Variants in SMYD2 observed in about 807,000 individuals in gnomAD.
The protein encoded by SMYD2 is N-lysine methyltransferase SMYD2.
A neutral mutation model predicts 59.1 loss-of-function variants in SMYD2; 53 were observed. The observed-to-expected ratio is 0.90, with a 90% CI of 0.72 to 1.13. The LOEUF is 1.13. SMYD2 is among the 50% of genes most tolerant of loss of function. SMYD2 has a pLI of 0.00. For synonymous variants in SMYD2, 208 were observed against 198.8 expected, an observed-to-expected ratio of 1.05 and a Z score of -0.39; for missense variants, 494 against 544.7, an observed-to-expected ratio of 0.91 and a Z score of 0.93.
At chr1:214,334,014 A>T (rs897795214) in intron 10 of SMYD2, 186 bp from the exon 11 acceptor site, 8 of 522,570 alleles carry the variant, frequency 1.5e-5, no homozygotes, top group Non-Finnish European at 2.1e-5. Flanking sequence ...AATGAACAAC[A>T]TCTGCAATGA....
In SMYD2 at chr1:214,281,188, G is replaced by A; in HGVS notation, c.-67G>A. The A allele has an allele frequency of 1.7e-6, 2 of 1,158,804 alleles. No individual in the cohort carries two copies. The highest frequency in any genetic ancestry group is 2.2e-6 in the Non-Finnish European group (2 of 926,632). 71.8% of individuals were successfully genotyped at this position (1,158,804 alleles called of 1,614,324 possible). A position where few individuals can be genotyped will look rare whatever the true frequency, so the allele number is the denominator to read the frequency against. The stretch of plus-strand genomic sequence containing the variant: ...CGCCCCCCGCAGCTCTAGGTGACGC[G>A]TCTCCAATAACAGCTCGCCGGGAGC... On this transcript the variant is annotated 5_prime_UTR_variant, in exon 1 of 12. Coordinates refer to ENST00000366957, the MANE Select transcript of SMYD2 (RefSeq NM_020197.3).
chr1:214,331,254 G>A (rs1438447409), intron 9 of SMYD2, 184 bp downstream of exon 9: 10 of 898,752 alleles, frequency 1.1e-5, no homozygotes, highest in Non-Finnish European at 1.6e-5. Context: ...TGTTGGAGTT[G>A]TATGATTTTA....
intron 1 of SMYD2, among the ~76,000 whole-genome samples, chr1:214,286,856 C>CT (rs34796070): frequency 0.45 from 65,900 of 145,012 alleles, 15,782 homozygotes; most frequent in East Asian, 0.84. Context: ...GATCTCTCTT[C>CT]TTTTTTTTTT....
chr1:214,314,812 T>C lies in SMYD2; in HGVS notation c.288T>C (p.Phe96=), dbSNP rs1222741113. The C allele has an allele frequency of 6.2e-7, 1 of 1,614,146 alleles. No individual in the cohort carries two copies. The highest frequency in any genetic ancestry group is 1.6e-4 in the Middle Eastern group (1 of 6,062). The change falls in exon 3 of 12, where the codon TTT becomes TTC. Residue 96 remains phenylalanine, a synonymous_variant. Transcript: ENST00000366957. ...HKLECSPMVV[F]GENWNPSETV... ...TGGAATGTTCTCCCATGGTTGTTTT[T>C]GGGGAAAACTGGAATCCCTCGGAGA...
chr1:214,324,623 C>T lies in SMYD2; in HGVS notation c.535-18C>T, dbSNP rs1162287109. 3.8e-6 allele frequency: 6 copies of T among 1,594,862 alleles called. No individual in the cohort carries two copies. In the Admixed American group the frequency reaches 7.2e-5, roughly 19 times the overall value. On this transcript the variant is annotated intron_variant, in intron 5 of 11. Coordinates refer to ENST00000366957, the MANE Select transcript of SMYD2 (RefSeq NM_020197.3). The stretch of plus-strand genomic sequence containing the variant: ...GCTCCAGCTCATTTTTTTCCTTTCT[C>T]CCTTTTTCTTGCTGCAGGTTAACTG...
chr1:214,324,021 G>A (rs1380171779), intron 5 of SMYD2, among the ~76,000 whole-genome samples: 2 of 152,100 alleles, frequency 1.3e-5, no homozygotes, highest in African/African-American at 2.4e-5. Flanking sequence ...TCCGCCTCCT[G>A]GGTTCAAATG....
At chr1:214,305,714 AG>A (rs61399428) in intron 2 of SMYD2, among the ~76,000 whole-genome samples, 79,725 of 151,838 alleles carry the variant, frequency 0.53, 21,877 homozygotes, top group African/African-American at 0.69. Flanking sequence ...GTATAGCCAG[AG>A]GGGGGGCTAT....
At chr1:214,301,762 T>G (rs1656827393) in intron 1 of SMYD2, among the ~76,000 whole-genome samples, 1 of 81,190 alleles carries the variant, frequency 1.2e-5, no homozygotes, top group Admixed American at 1.7e-4. Context: ...AAACTGTTCT[T>G]TCAAGTTAAA....
At chr1:214,289,541 T>C (rs1252237085) in intron 1 of SMYD2, among the ~76,000 whole-genome samples, 2 of 152,336 alleles carry the variant, frequency 1.3e-5, no homozygotes, top group African/African-American at 4.8e-5. Flanking sequence ...TTATCTGGTA[T>C]ATGCAAGGCA....
intron 1 of SMYD2, among the ~76,000 whole-genome samples, chr1:214,302,750 C>A (rs1164084648): frequency 1.3e-5 from 2 of 152,152 alleles, no homozygotes; most frequent in Admixed American, 1.3e-4. Context: ...AGCCTAGTTG[C>A]CTACTTTCTC....
chr1:214,281,311 G>A lies in SMYD2; in HGVS notation c.57G>A (p.Arg19=), dbSNP rs1156623784. 1.4e-6 allele frequency: 2 copies of A among 1,401,034 alleles called. No individual in the cohort carries two copies. The highest frequency in any genetic ancestry group is 1.9e-6 in the Non-Finnish European group (2 of 1,067,574). The allele number at this position is 1,401,034 out of a possible 1,614,324, so 86.8% of individuals were successfully genotyped here. A position where few individuals can be genotyped will look rare whatever the true frequency, so the allele number is the denominator to read the frequency against. Residue 19 remains arginine (R), a synonymous_variant, in exon 1 of 12, where the codon CGG becomes CGA. Transcript: ENST00000366957. Reference sequence around the variant, plus strand: ...GCTTCTGCAGCCCGGGCAAAGGCCGGGGGCTGCGGGCTCTGCAGCCCTTCC... The same window carrying A: ...GCTTCTGCAGCCCGGGCAAAGGCCGAGGGCTGCGGGCTCTGCAGCCCTTCC... ...LERFCSPGKG[R]GLRALQPFQV...
In SMYD2 at chr1:214,305,257, G is replaced by GC; in HGVS notation, c.237+8dup. ...CTGCAATGTGGAGTGTCAGGTAGGTGCTGGGCCATTGGCAGGGAGGGCCTA... is the reference window on the plus strand; with the variant it reads ...CTGCAATGTGGAGTGTCAGGTAGGTGCCTGGGCCATTGGCAGGGAGGGCCTA... On this transcript the variant is annotated splice_region_variant and intron_variant, in intron 2 of 11. Transcript: ENST00000366957. 6.2e-7 allele frequency: 1 copy of GC among 1,613,976 alleles called. No homozygotes were observed.
chr1:214,321,394 C>T (rs1381094202), intron 5 of SMYD2, among the ~76,000 whole-genome samples: 2 of 149,476 alleles, frequency 1.3e-5, no homozygotes, highest in East Asian at 3.9e-4. Flanking sequence ...TGTGTTCACA[C>T]AAATACACAC....
intron 2 of SMYD2, among the ~76,000 whole-genome samples, chr1:214,307,689 C>T (rs1227231702): frequency 2.0e-5 from 3 of 152,148 alleles, no homozygotes; most frequent in Non-Finnish European, 4.4e-5. Context: ...TTTGATGAAT[C>T]GTCATGGCCC....
chr1:214,325,654 G>C (rs1438634664), intron 6 of SMYD2, among the ~76,000 whole-genome samples: 1 of 152,052 alleles, frequency 6.6e-6, no homozygotes, highest in African/African-American at 2.4e-5. Flanking sequence ...TGTGTCTCGT[G>C]AGCAGCTGTC....
chr1:214,295,900 GCTAA>G (rs1211771475), intron 1 of SMYD2, among the ~76,000 whole-genome samples: 1 of 152,166 alleles, frequency 6.6e-6, no homozygotes, highest in Non-Finnish European at 1.5e-5. Flanking sequence ...TGGGTGGGAG[GCTAA>G]CTTTGTTTCT....
intron 2 of SMYD2, among the ~76,000 whole-genome samples, chr1:214,305,729 G>T (rs1656906565): frequency 6.6e-6 from 1 of 151,946 alleles, no homozygotes; most frequent in Non-Finnish European, 1.5e-5. Flanking sequence ...GGGCTATTCT[G>T]AACTCGTAAT....
intron 2 of SMYD2, among the ~76,000 whole-genome samples, chr1:214,310,686 G>A (rs950752731): frequency 6.6e-6 from 1 of 152,092 alleles, no homozygotes; most frequent in African/African-American, 2.4e-5. Context: ...AGTACTGCCA[G>A]TATTCAAAAA....
intron 10 of SMYD2, 160 bp downstream of exon 10, chr1:214,332,352 G>A (rs768356408): frequency 1.1e-5 from 9 of 783,132 alleles, no homozygotes; most frequent in Middle Eastern, 3.7e-4. Flanking sequence ...CACTGCTCCC[G>A]AGTCAGGCCT....
Sources: gnomAD v4.1 joint callset for allele counts (sites outside exome capture counted in the v4.1 genomes callset) on GRCh38, gnomAD v4.1.1 for gene constraint, MANE v1.5 for transcripts, NCBI Gene and HGNC (gene_info 2026-07-23, HGNC 2026-07-21) for gene names.